FOXJ2: variants seen among roughly 807,000 people sequenced by gnomAD.
The protein encoded by FOXJ2 is forkhead box protein J2.
A neutral mutation model predicts 68.4 loss-of-function variants in FOXJ2; 18 were observed. The ratio of observed to expected loss-of-function variants is 0.26; its 90% CI spans 0.18 to 0.39. The LOEUF is 0.39. Among genes scored for constraint, FOXJ2 ranks in the 10% least tolerant of loss-of-function variants. FOXJ2 has a pLI of 1.00. For missense variants in FOXJ2, 670 were observed against 726.5 expected, an observed-to-expected ratio of 0.92 and a Z score of 0.89; for synonymous variants, 274 against 263.2, an observed-to-expected ratio of 1.04 and a Z score of -0.40.
intron 1 of FOXJ2, 124 bp from the exon 2 acceptor site, chr12:8,039,695 G>A (rs1254475926): frequency 3.8e-6 from 3 of 782,682 alleles, no homozygotes; most frequent in East Asian, 2.5e-5. Flanking sequence ...AACACCTGGT[G>A]GAAGGCCATG....
rs1337862679 is a variant in FOXJ2, at chr12:8,047,798, G to C, written c.818-84G>C. 2.6e-5 allele frequency: 38 copies of C among 1,483,530 alleles called. No individual in the cohort carries two copies. In the East Asian group the frequency reaches 8.5e-4, roughly 33 times the overall value. 91.9% of individuals were successfully genotyped at this position (1,483,530 alleles called of 1,614,324 possible). On this transcript the variant is annotated intron_variant, in intron 6 of 10. Transcript: ENST00000162391. Reference sequence around the variant, plus strand: ...TTTAACTCCACAGTTTTAGTCTGAGGCTTCCCATCTCAACCCAGGGAAAAT... The same window carrying C: ...TTTAACTCCACAGTTTTAGTCTGAGCCTTCCCATCTCAACCCAGGGAAAAT...
At chr12:8,049,276 T>C in intron 8 of FOXJ2, 86 bp from the exon 9 acceptor site, 1 of 983,746 alleles carries the variant, frequency 1.0e-6, no homozygotes, top group Non-Finnish European at 1.5e-6. Flanking sequence ...TGATTGATGG[T>C]GTGTTTGGAA....
Position 8,038,447 on chromosome 12 carries a change from C to T in FOXJ2, c.-14-1372C>T, listed in dbSNP as rs1053122235. Among the ~76,000 whole-genome samples, 3 of 152,168 alleles carry T rather than the reference C, an allele frequency of 2.0e-5. No homozygotes were observed. The highest frequency in any genetic ancestry group is 4.4e-5 in the Non-Finnish European group (3 of 68,032). ...TGGCTGTGGATTTAGAGATCACTTA[C>T]ATCATACGTTTCTGTTCAGGATTCT... On this transcript the variant is annotated intron_variant, in intron 1 of 10. Transcript: ENST00000162391. The surrounding 1 kb of genome is among the most constrained non-coding windows in gnomAD (Gnocchi z 5.3).
In FOXJ2 at chr12:8,040,099, C is replaced by T; in HGVS notation, c.267C>T (p.Leu89=). ...INSSPAKKMT[L]SEIYRWICDN... is the part of the protein sequence containing the mutation. ...CCTCTCCAGCCAAGAAGATGACCCT[C>T]AGCGAGATTTACCGCTGGATCTGTG... The change falls in exon 2 of 11, where the codon CTC becomes CTT. Residue 89 remains leucine, a synonymous_variant. Transcript: ENST00000162391. The surrounding 1 kb of genome is among the most constrained non-coding windows in gnomAD (Gnocchi z 4.0). 2 of 1,614,196 alleles carry T rather than the reference C, an allele frequency of 1.2e-6. No individual in the cohort carries two copies. The highest frequency in any genetic ancestry group is 1.7e-6 in the Non-Finnish European group (2 of 1,180,038).
Position 8,043,951 on chromosome 12 carries a change from C to T in FOXJ2, c.478C>T (p.Leu160=). The change falls in exon 5 of 11, where the codon CTG becomes TTG. Residue 160 remains leucine, a splice_region_variant and synonymous_variant. Transcript: ENST00000162391. ...RKRRHPPDDD[L]SQDSPEQEAS... ...ATTTCTTTTTTTTCACAACCCTCAG[C>T]TGTCCCAAGACTCACCAGAACAGGA... is the stretch of plus-strand genomic sequence containing the variant. 1 of 1,554,566 alleles carries T rather than the reference C, an allele frequency of 6.4e-7. No homozygotes were observed. The highest frequency in any genetic ancestry group is 8.7e-7 in the Non-Finnish European group (1 of 1,154,080).
At chr12:8,051,117 C>CT (rs1555166385) in intron 10 of FOXJ2, among the ~76,000 whole-genome samples, 1 of 64,476 alleles carries the variant, frequency 1.6e-5, no homozygotes, top group Admixed American at 1.3e-4. Context: ...CTTCCCTTCC[C>CT]TTCCCTTTCC....
At chr12:8,051,836 C>G (rs1947130041) in intron 10 of FOXJ2, among the ~76,000 whole-genome samples, 1 of 152,150 alleles carries the variant, frequency 6.6e-6, no homozygotes, top group African/African-American at 2.4e-5. Context: ...ATACAGATTT[C>G]TATACTGCTA....
chr12:8,050,282 T>G, intron 9 of FOXJ2: 1 of 1,228,542 alleles, frequency 8.1e-7, no homozygotes. Context: ...GGCCCTGTGT[T>G]TCTATATTTT....
In FOXJ2 at chr12:8,043,716, A is replaced by G. The variant is rs141186868; in HGVS notation, c.424A>G (p.Ile142Val). The G allele has an allele frequency of 2.4e-5, 39 of 1,614,142 alleles. No homozygotes were observed. The African/African-American group carries it at 4.4e-4, about 18-fold the overall frequency. The stretch of plus-strand genomic sequence containing the variant: ...CTCCTTCCAGGGTTCCTATTGGACA[A>G]TTGACACCTGCCCTGACATTTCCCG... ...DDPGKGSYWT[I>V]DTCPDISRKR... The change falls in exon 4 of 11, where the codon ATT (isoleucine) becomes GTT (valine). Residue 142 changes from isoleucine to valine, a missense_variant. Coordinates refer to ENST00000162391, the MANE Select transcript of FOXJ2 (RefSeq NM_018416.3).
rs1354867381 is a variant in FOXJ2, at chr12:8,033,220, C to G, written c.-628C>G. On this transcript the variant is annotated 5_prime_UTR_variant, in exon 1 of 11. Coordinates refer to ENST00000162391, the MANE Select transcript of FOXJ2 (RefSeq NM_018416.3). ...GAGACCACCCTAGCGCGCCCCCGCC[C>G]CTCCAAACACACACTCTCAACAGTT... 1 of 224,438 alleles carries G rather than the reference C, an allele frequency of 4.5e-6. No individual in the cohort carries two copies. The highest frequency in any genetic ancestry group is 8.8e-5 in the East Asian group (1 of 11,356). The allele number at this position is 224,438 out of a possible 1,614,324, so 13.9% of individuals were successfully genotyped here. A position where few individuals can be genotyped will look rare whatever the true frequency, so the allele number is the denominator to read the frequency against.
chr12:8,037,753 G>T (rs1946916588), intron 1 of FOXJ2, among the ~76,000 whole-genome samples: 1 of 152,194 alleles, frequency 6.6e-6, no homozygotes, highest in Non-Finnish European at 1.5e-5. Flanking sequence ...CTGCTCATTG[G>T]CATGCCACTC....
chr12:8,038,142 G>C lies in FOXJ2; in HGVS notation c.-14-1677G>C, dbSNP rs1946920571. ...TCCTTCAGCCTTGTGGAGTGAGTGT[G>C]TTGCTGGTTAGGAGCTGGGTACTTG... On this transcript the variant is annotated intron_variant, in intron 1 of 10. Transcript: ENST00000162391. The surrounding 1 kb of genome is among the most constrained non-coding windows in gnomAD (Gnocchi z 5.3). 6.6e-6 allele frequency among the ~76,000 whole-genome samples: 1 copy of C among 152,194 alleles called. No homozygotes were observed. The highest frequency in any genetic ancestry group is 1.5e-5 in the Non-Finnish European group (1 of 68,042).
Position 8,055,459 on chromosome 12 carries a change from G to C in FOXJ2, c.*2609G>C, listed in dbSNP as rs1947176286. 6.6e-6 allele frequency: 1 copy of C among 150,664 alleles called. No individual in the cohort carries two copies. The highest frequency in any genetic ancestry group is 1.5e-5 in the Non-Finnish European group (1 of 67,698). 9.3% of individuals were successfully genotyped at this position (150,664 alleles called of 1,614,324 possible). A position where few individuals can be genotyped will look rare whatever the true frequency, so the allele number is the denominator to read the frequency against. On this transcript the variant is annotated 3_prime_UTR_variant, in exon 11 of 11. Coordinates refer to ENST00000162391, the MANE Select transcript of FOXJ2 (RefSeq NM_018416.3). ...GGGGTATATGGTCTCACAAGTTGTTGTCATTGTTTTTTTGCATGCTTTCTT... is the reference window on the plus strand; with the variant it reads ...GGGGTATATGGTCTCACAAGTTGTTCTCATTGTTTTTTTGCATGCTTTCTT...
In FOXJ2 at chr12:8,052,810, A is replaced by G; in HGVS notation, c.1685A>G (p.Glu562Gly). ...TCAGTGCCACCTCCTGGTGCCAATG[A>G]GGAGATCCCTGATGACTTCGACTGG... ...RPSVPPPGAN[E>G]EIPDDFDWDL... Residue 562 changes from glutamate (E) to glycine (G), a missense_variant, in exon 11 of 11, where the codon GAG (glutamate) becomes GGG (glycine). Glu to Gly is a moderately conservative substitution (Grantham distance 98). Transcript: ENST00000162391. 2.5e-6 allele frequency: 4 copies of G among 1,610,812 alleles called. No individual in the cohort carries two copies. Among genetic ancestry groups the G allele is most frequent in the Non-Finnish European group, 3.4e-6 (4 of 1,178,236 alleles).
At position 8,035,854 on chromosome 12, in the gene FOXJ2, C is replaced by T. The variant is rs192690647; in HGVS notation, c.-15+2021C>T. ...AGATGATAGTTCCTCATTCCTTCAT[C>T]CTTAGAGTCTTCCTGATCCTAGCAT... On this transcript the variant is annotated intron_variant, in intron 1 of 10. Coordinates refer to ENST00000162391, the MANE Select transcript of FOXJ2 (RefSeq NM_018416.3). This position sits in a 1 kb window ranked among gnomAD's most constrained non-coding sequence, Gnocchi z 4.0. Among the ~76,000 whole-genome samples, 17 of 152,292 alleles carry T rather than the reference C, an allele frequency of 1.1e-4. No individual in the cohort carries two copies. The East Asian group carries it at 3.3e-3, about 29-fold the overall frequency.
intron 1 of FOXJ2, 126 bp from the exon 2 acceptor site, chr12:8,039,693 G>A: frequency 1.3e-6 from 1 of 770,756 alleles, no homozygotes; most frequent in Admixed American, 2.6e-5. Context: ...GGAACACCTG[G>A]TGGAAGGCCA....
Position 8,047,993 on chromosome 12 carries a change from C to G in FOXJ2, c.929C>G (p.Pro310Arg). 1 of 1,613,874 alleles carries G rather than the reference C, an allele frequency of 6.2e-7. No homozygotes were observed. Among genetic ancestry groups the G allele is most frequent in the Non-Finnish European group, 8.5e-7 (1 of 1,179,900 alleles). Residue 310 changes from proline (P) to arginine (R), a missense_variant, in exon 7 of 11, where the codon CCA becomes CGA. By Grantham distance (103) the Pro-to-Arg change is moderately radical. Coordinates refer to ENST00000162391, the MANE Select transcript of FOXJ2 (RefSeq NM_018416.3). ...CAGCAGCAGCAGCAGCCGCCACAGCCACCTCCCCAGCAGTCCCAGCCACAG... is the reference window on the plus strand; with the variant it reads ...CAGCAGCAGCAGCAGCCGCCACAGCGACCTCCCCAGCAGTCCCAGCCACAG... ...QQQQQQQPPQ[P>R]PPQQSQPQQQ...
At chr12:8,050,720 C>T in intron 10 of FOXJ2, 100 bp downstream of exon 10, 2 of 1,340,090 alleles carry the variant, frequency 1.5e-6, no homozygotes, top group South Asian at 1.2e-5. Flanking sequence ...TTGCCTGCAT[C>T]TCGCTGGAGG....
At chr12:8,034,357 C>A (rs1241020022) in intron 1 of FOXJ2, among the ~76,000 whole-genome samples, 1 of 152,186 alleles carries the variant, frequency 6.6e-6, no homozygotes, top group Non-Finnish European at 1.5e-5. Flanking sequence ...ACAAGAAAAG[C>A]AATCTGTTCC....
Sources: gnomAD v4.1 joint callset for allele counts (sites outside exome capture counted in the v4.1 genomes callset) on GRCh38, gnomAD v4.1.1 for gene constraint, Gnocchi (gnomAD v3.1) non-coding constraint, MANE v1.5 for transcripts, NCBI Gene and HGNC (gene_info 2026-07-23, HGNC 2026-07-21) for gene names.